Variants in SRRM4 observed in about 807,000 individuals in gnomAD.
SRRM4 encodes the protein serine/arginine repetitive matrix protein 4.
In SRRM4, 33 loss-of-function variants were observed where a neutral mutation model predicts 68.9. The ratio of observed to expected loss-of-function variants is 0.48; its 90% CI spans 0.36 to 0.64. The LOEUF (loss-of-function observed/expected upper bound fraction) is 0.64, where lower values mean the gene tolerates loss of function less well. Among genes scored for constraint, SRRM4 ranks in the 30% least tolerant of loss-of-function variants. SRRM4 has a pLI of 0.00. For missense variants in SRRM4, 817 were observed against 827.1 expected, an observed-to-expected ratio of 0.99 and a Z score of 0.15; for synonymous variants, 318 against 318.8, an observed-to-expected ratio of 1.00 and a Z score of 0.03.
intron 8 of SRRM4, among the ~76,000 whole-genome samples, chr12:119,142,744 G>A (rs776466731): frequency 5.9e-5 from 9 of 152,054 alleles, no homozygotes; most frequent in Non-Finnish European, 1.3e-4. Flanking sequence ...CCATCTCTGG[G>A]GCAAAGATTC....
chr12:119,059,902 C>A (rs1214220784), intron 1 of SRRM4, among the ~76,000 whole-genome samples: 1 of 152,152 alleles, frequency 6.6e-6, no homozygotes, highest in Non-Finnish European at 1.5e-5. Flanking sequence ...AGAGAGGGTG[C>A]AGAGTCCCTT....
Position 119,119,033 on chromosome 12 carries a change from G to A in SRRM4, c.438-1217G>A, listed in dbSNP as rs61198893. On this transcript the variant is annotated intron_variant, in intron 4 of 12. Transcript: ENST00000267260. ...ACACTTTTGGAGATGGGACCTAGGG[G>A]TAGCGAAAGCACTGAGATTTTTTTT... 1.8e-3 allele frequency among the ~76,000 whole-genome samples: 261 copies of A among 148,038 alleles called. 1 individual carries two copies. Among genetic ancestry groups the A allele is most frequent in the African/African-American group, 5.8e-3 (232 of 39,784 alleles).
chr12:118,997,358 G>C (rs6490222), intron 1 of SRRM4, among the ~76,000 whole-genome samples: 117,898 of 152,134 alleles, frequency 0.77, 46,241 homozygotes, highest in Middle Eastern at 0.91. Context: ...CCAGGGCTGC[G>C]CAACTTGGCA....
At chr12:118,997,239 C>T (rs1344724088) in intron 1 of SRRM4, among the ~76,000 whole-genome samples, 4 of 152,184 alleles carry the variant, frequency 2.6e-5, no homozygotes, top group Non-Finnish European at 4.4e-5. Flanking sequence ...ATTCTCTAAG[C>T]ACCAAATTTG....
intron 10 of SRRM4, among the ~76,000 whole-genome samples, chr12:119,152,283 C>T (rs1181693322): frequency 1.3e-5 from 2 of 152,056 alleles, no homozygotes; most frequent in African/African-American, 4.8e-5. Flanking sequence ...GACAAGGCAA[C>T]TGATGAAAAT....
chr12:119,045,052 G>A (rs1039929846), intron 1 of SRRM4, among the ~76,000 whole-genome samples: 1 of 152,130 alleles, frequency 6.6e-6, no homozygotes, highest in Non-Finnish European at 1.5e-5. Flanking sequence ...CTTAGAACAG[G>A]GTCTGACCCG....
intron 1 of SRRM4, among the ~76,000 whole-genome samples, chr12:119,092,021 A>C (rs899059356): frequency 2.0e-5 from 3 of 152,212 alleles, no homozygotes; most frequent in Admixed American, 2.0e-4. Flanking sequence ...GAATGACTGG[A>C]TGAATAAACG....
chr12:119,059,109 C>G (rs1861738871), intron 1 of SRRM4, among the ~76,000 whole-genome samples: 1 of 152,186 alleles, frequency 6.6e-6, no homozygotes, highest in Non-Finnish European at 1.5e-5. Flanking sequence ...CCGGAGCAGT[C>G]CTCAGCCCTG....
At chr12:118,985,525 G>A (rs1393363244) in intron 1 of SRRM4, among the ~76,000 whole-genome samples, 1 of 152,100 alleles carries the variant, frequency 6.6e-6, no homozygotes, top group Non-Finnish European at 1.5e-5. Context: ...TACCTAGGAT[G>A]GAAGATCTAA....
intron 1 of SRRM4, among the ~76,000 whole-genome samples, chr12:119,016,521 T>A (rs1953482669): frequency 6.6e-6 from 1 of 151,754 alleles, no homozygotes; most frequent in South Asian, 2.1e-4. Flanking sequence ...CAATTTCTAA[T>A]CAAGAATTAT....
chr12:119,060,933 A>C (rs1953807773), intron 1 of SRRM4, among the ~76,000 whole-genome samples: 1 of 152,172 alleles, frequency 6.6e-6, no homozygotes, highest in African/African-American at 2.4e-5. Context: ...TGCTTTAAGA[A>C]TGTAGCCCTA....
intron 1 of SRRM4, among the ~76,000 whole-genome samples, chr12:119,004,556 C>T (rs1953404460): frequency 6.6e-6 from 1 of 151,960 alleles, no homozygotes; most frequent in South Asian, 2.1e-4. Context: ...TTCCATCCTG[C>T]AGCTCACAGA....
intron 8 of SRRM4, among the ~76,000 whole-genome samples, chr12:119,136,882 T>C (rs1339699686): frequency 6.6e-6 from 1 of 152,130 alleles, no homozygotes; most frequent in Non-Finnish European, 1.5e-5. Context: ...AAAGGTTCAA[T>C]GCAGTGCACA....
At chr12:119,033,111 AT>A (rs1249079234) in intron 1 of SRRM4, among the ~76,000 whole-genome samples, 35 of 152,242 alleles carry the variant, frequency 2.3e-4, no homozygotes, top group African/African-American at 7.7e-4. Context: ...TAAAAACTTC[AT>A]TAATGTCTTC....
chr12:119,064,416 C>A (rs1272181928), intron 1 of SRRM4, among the ~76,000 whole-genome samples: 1 of 152,114 alleles, frequency 6.6e-6, no homozygotes, highest in Non-Finnish European at 1.5e-5. Context: ...AAAATGCACA[C>A]ATATAATTTT....
intron 1 of SRRM4, among the ~76,000 whole-genome samples, chr12:119,078,175 A>C (rs947803542): frequency 2.0e-5 from 3 of 152,170 alleles, no homozygotes; most frequent in South Asian, 2.1e-4. Flanking sequence ...GGAAAACTAT[A>C]GCATATAGCC....
intron 1 of SRRM4, among the ~76,000 whole-genome samples, chr12:119,084,882 C>T (rs1235946209): frequency 6.6e-6 from 1 of 152,074 alleles, no homozygotes; most frequent in Non-Finnish European, 1.5e-5. Context: ...GTGAATGATG[C>T]CAGTTTTTAA....
At chr12:119,088,122 C>T (rs1953990678) in intron 1 of SRRM4, among the ~76,000 whole-genome samples, 1 of 152,142 alleles carries the variant, frequency 6.6e-6, no homozygotes, top group Admixed American at 6.5e-5. Context: ...TGGGAGATGA[C>T]AGCTCTCATC....
intron 1 of SRRM4, among the ~76,000 whole-genome samples, chr12:119,045,124 G>A (rs571594376): frequency 1.3e-5 from 2 of 152,224 alleles, no homozygotes; most frequent in South Asian, 2.1e-4. Flanking sequence ...TCAGCTATAC[G>A]GATGTGGGGA....
Sources: gnomAD v4.1 joint callset for allele counts (sites outside exome capture counted in the v4.1 genomes callset) on GRCh38, gnomAD v4.1.1 for gene constraint, MANE v1.5 for transcripts, NCBI Gene and HGNC (gene_info 2026-07-23, HGNC 2026-07-21) for gene names.